The following IGSF5 variants were observed in gnomAD, a reference collection of about 807,000 sequenced individuals.
IGSF5 encodes the protein immunoglobulin superfamily member 5.
Under a neutral mutation model 39.4 loss-of-function variants are expected in IGSF5, and 41 were observed. The ratio of observed to expected loss-of-function variants is 1.04; its 90% CI spans 0.81 to 1.35. IGSF5 has a LOEUF of 1.35. IGSF5 is among the 40% of genes most tolerant of loss of function. IGSF5 has a pLI of 0.00. For missense variants in IGSF5, 487 were observed against 494.6 expected (o/e 0.98, Z 0.15); for synonymous variants, 183 against 175.3 (o/e 1.04, Z -0.34).
At chr21:39,766,321 C>G (rs555511505) in intron 3 of IGSF5, among the ~76,000 whole-genome samples, 1 of 152,168 alleles carries the variant, frequency 6.6e-6, no homozygotes, top group African/African-American at 2.4e-5. Flanking sequence ...TTTCTGGAAA[C>G]GTATCCTGGA....
At chr21:39,738,646 G>C in the IGSF5 span, among the ~76,000 whole-genome samples, 434 of 152,260 alleles carry the variant, frequency 2.9e-3, 2 homozygotes, top group Middle Eastern at 0.017. This position sits in a 1 kb window ranked among gnomAD's most constrained non-coding sequence, Gnocchi z 6.4. Flanking sequence ...AATACACTGC[G>C]GAGAGGTGAC....
intron 2 of IGSF5, among the ~76,000 whole-genome samples, chr21:39,752,908 T>C (rs1309721754): frequency 6.6e-6 from 1 of 152,222 alleles, no homozygotes; most frequent in Non-Finnish European, 1.5e-5. Context: ...TAGTCCTTTG[T>C]TGGAGGCATA....
chr21:39,768,641 C>A (rs1369307053), intron 3 of IGSF5, among the ~76,000 whole-genome samples: 1 of 152,208 alleles, frequency 6.6e-6, no homozygotes, highest in South Asian at 2.1e-4. Context: ...GAGACAATAT[C>A]ATTCCTCCCA....
chr21:39,741,741 T>C (rs2079949602), upstream of IGSF5, among the ~76,000 whole-genome samples: 1 of 151,856 alleles, frequency 6.6e-6, no homozygotes, highest in Non-Finnish European at 1.5e-5. Context: ...GAATTGAGAG[T>C]CAGGATGTAC....
chr21:39,771,328 T>C, intron 4 of IGSF5, 113 bp downstream of exon 4: 1 of 980,064 alleles, frequency 1.0e-6, no homozygotes, highest in Non-Finnish European at 1.4e-6. Context: ...CGACCTTGAT[T>C]TTGGGTGGGG....
chr21:39,779,883 G>C (rs1039368961), intron 5 of IGSF5, among the ~76,000 whole-genome samples: 9 of 152,202 alleles, frequency 5.9e-5, no homozygotes, highest in Admixed American at 4.6e-4. Context: ...AGAATGGTGG[G>C]TGTTACCAGG....
the IGSF5 span, among the ~76,000 whole-genome samples, chr21:39,739,751 G>A: frequency 3.9e-5 from 6 of 152,182 alleles, no homozygotes; most frequent in Non-Finnish European, 5.9e-5. Flanking sequence ...AGCATGGGCT[G>A]TCAGGGTGGT....
intron 2 of IGSF5, among the ~76,000 whole-genome samples, chr21:39,759,884 A>T (rs552576810): frequency 1.3e-5 from 2 of 150,682 alleles, no homozygotes; most frequent in Non-Finnish European, 1.5e-5. Context: ...AAAAAAAAAA[A>T]GCTGAGGCAT....
chr21:39,760,278 G>A (rs1412070886), intron 2 of IGSF5, among the ~76,000 whole-genome samples: 1 of 152,202 alleles, frequency 6.6e-6, no homozygotes, highest in African/African-American at 2.4e-5. Context: ...GCACTGGGAT[G>A]TAAGATTGAG....
rs2080112323 is a variant in IGSF5 at position 39,771,148 on chromosome 21, T to A, written c.651T>A (p.Ala217=). Residue 217 remains alanine, a synonymous_variant, in exon 4 of 9, where the codon GCT becomes GCA. Transcript: ENST00000380588. ...PQSNGTLTCV[A]TWKSLKARKS... Reference sequence around the variant, plus strand: ...GCAATGGGACTTTGACTTGCGTGGCTACCTGGAAGAGCCTGAAGGCCCGCA... The same window carrying A: ...GCAATGGGACTTTGACTTGCGTGGCAACCTGGAAGAGCCTGAAGGCCCGCA... 1 of 1,607,932 alleles carries A rather than the reference T, an allele frequency of 6.2e-7. No individual in the cohort carries two copies. Among genetic ancestry groups the A allele is most frequent in the South Asian group, 1.1e-5 (1 of 89,414 alleles).
At chr21:39,772,703 C>T (rs574891458) in intron 4 of IGSF5, among the ~76,000 whole-genome samples, 4 of 150,670 alleles carry the variant, frequency 2.7e-5, no homozygotes, top group Admixed American at 2.6e-4. Flanking sequence ...CAATTTGGGT[C>T]AGTTTGGATC....
chr21:39,712,632 C>G, the IGSF5 span, among the ~76,000 whole-genome samples: 1 of 152,196 alleles, frequency 6.6e-6, no homozygotes, highest in Admixed American at 6.5e-5. Flanking sequence ...TAGCCTCCTT[C>G]CCTGTCACCA....
the IGSF5 span, among the ~76,000 whole-genome samples, chr21:39,723,358 C>T: frequency 6.6e-6 from 1 of 152,148 alleles, no homozygotes; most frequent in African/African-American, 2.4e-5. Flanking sequence ...TGTGCACCAT[C>T]CAAGTGCACC....
At chr21:39,733,652 A>C in the IGSF5 span, among the ~76,000 whole-genome samples, 18,882 of 152,184 alleles carry the variant, frequency 0.12, 1,535 homozygotes, top group Non-Finnish European at 0.18. Context: ...ACAGAAATGC[A>C]CTCTGCCACA....
chr21:39,726,513 G>A, the IGSF5 span, among the ~76,000 whole-genome samples: 2 of 151,974 alleles, frequency 1.3e-5, no homozygotes, highest in Non-Finnish European at 2.9e-5. Flanking sequence ...CAGTGCTCAG[G>A]CAGTGGCTGT....
intron 2 of IGSF5, among the ~76,000 whole-genome samples, chr21:39,748,468 A>G: frequency 6.6e-6 from 1 of 151,698 alleles, no homozygotes; most frequent in East Asian, 1.9e-4. Context: ...GTGCCATCAC[A>G]TCCGGCTAAT....
intron 8 of IGSF5, among the ~76,000 whole-genome samples, chr21:39,795,185 G>A (rs779924002): frequency 1.3e-4 from 20 of 152,226 alleles, no homozygotes; most frequent in South Asian, 8.3e-4. Context: ...CATCAGGGCC[G>A]CTCTCTTTGG....
At chr21:39,714,008 C>T in the IGSF5 span, among the ~76,000 whole-genome samples, 16 of 152,250 alleles carry the variant, frequency 1.1e-4, no homozygotes, top group African/African-American at 3.9e-4. Flanking sequence ...TGTATCCTGA[C>T]AGAGAGCTGG....
chr21:39,758,667 G>A (rs2080045353), intron 2 of IGSF5, among the ~76,000 whole-genome samples: 1 of 152,146 alleles, frequency 6.6e-6, no homozygotes, highest in African/African-American at 2.4e-5. Flanking sequence ...CAAGGCCTGG[G>A]TCTCCTGGTC....
Sources: allele counts gnomAD v4.1 joint callset (sites outside exome capture counted in the v4.1 genomes callset), GRCh38; gene constraint gnomAD v4.1.1; non-coding constraint Gnocchi (gnomAD v3.1); transcripts MANE v1.5; gene names NCBI Gene and HGNC (gene_info 2026-07-23, HGNC 2026-07-21).